Variants in CCDC90B observed in about 807,000 individuals in gnomAD.
The protein encoded by CCDC90B is coiled-coil domain containing 90B, also known as coiled-coil domain-containing protein 90B, mitochondrial.
A neutral mutation model predicts 37.0 loss-of-function variants in CCDC90B; 24 were observed. The ratio of observed to expected loss-of-function variants is 0.65; its 90% confidence interval spans 0.47 to 0.91. The LOEUF (loss-of-function observed/expected upper bound fraction) is 0.91. CCDC90B is among the 40% of genes least tolerant of loss of function. The probability of loss-of-function intolerance (pLI) is 0.00; values close to 1 mark genes in which losing one functional copy is unlikely to be tolerated. For synonymous variants in CCDC90B, 113 were observed against 101.1 expected, an observed-to-expected ratio of 1.12 and a Z score of -0.71; for missense variants, 319 against 299.0, an observed-to-expected ratio of 1.07 and a Z score of -0.49.
Position 83,280,204 on chromosome 11 carries a change from G to C in CCDC90B, c.157C>G (p.Pro53Ala). Residue 53 changes from proline (P) to alanine (A), a missense_variant, in exon 2 of 9, where the codon CCT becomes GCT. Coordinates refer to ENST00000529689, the MANE Select transcript of CCDC90B (RefSeq NM_021825.5). ...GYDRRPVDIT[P>A]LEQRKLTFDT... ...AAAGTTAATTTCCTTTGTTCTAAAG[G>C]AGTTATATCCACTGGCCGCCTATCA... The C allele has an allele frequency of 6.2e-7, 1 of 1,613,254 alleles. No homozygotes were observed. The highest frequency in any genetic ancestry group is 8.5e-7 in the Non-Finnish European group (1 of 1,179,630).
At chr11:83,275,459 T>C (rs943132222) in intron 3 of CCDC90B, among the ~76,000 whole-genome samples, 1 of 151,836 alleles carries the variant, frequency 6.6e-6, no homozygotes, top group African/African-American at 2.4e-5. Flanking sequence ...GAAATGTGCA[T>C]TGGAGTATTT....
At chr11:83,280,042 T>C in intron 2 of CCDC90B, 99 bp downstream of exon 2, 1 of 1,172,998 alleles carries the variant, frequency 8.5e-7, no homozygotes, top group Non-Finnish European at 1.2e-6. Flanking sequence ...GGTACATCTA[T>C]TTAGTTACTT....
chr11:83,265,335 A>G (rs910799468), intron 8 of CCDC90B, among the ~76,000 whole-genome samples: 1 of 152,108 alleles, frequency 6.6e-6, no homozygotes, highest in African/African-American at 2.4e-5. Flanking sequence ...TAATGGGCTT[A>G]TATCTAATTT....
At chr11:83,269,309 C>A (rs151038911) in intron 7 of CCDC90B, among the ~76,000 whole-genome samples, 6 of 151,284 alleles carry the variant, frequency 4.0e-5, no homozygotes, top group Admixed American at 3.9e-4. Context: ...ACACAACAAA[C>A]CCTTAAAAAA....
intron 7 of CCDC90B, among the ~76,000 whole-genome samples, chr11:83,271,161 CA>C (rs1230533521): frequency 6.6e-6 from 1 of 152,100 alleles, no homozygotes; most frequent in Non-Finnish European, 1.5e-5. Context: ...GACCTAAAAC[CA>C]TAAAAACCCT....
intron 1 of CCDC90B, 65 bp downstream of exon 1, chr11:83,285,808 C>G: frequency 6.5e-7 from 1 of 1,537,218 alleles, no homozygotes; most frequent in Non-Finnish European, 8.7e-7. Flanking sequence ...CGAGCAGGCG[C>G]GACCCCACGG....
intron 1 of CCDC90B, among the ~76,000 whole-genome samples, chr11:83,282,086 T>C (rs1865415605): frequency 6.6e-6 from 1 of 152,174 alleles, no homozygotes; most frequent in Non-Finnish European, 1.5e-5. Context: ...AAGCCTACTT[T>C]ATAATAAAGT....
In CCDC90B at chr11:83,259,653, G is replaced by A. The variant is rs1863844006; in HGVS notation, c.*2258C>T. The A allele has an allele frequency of 6.6e-6, 1 of 152,118 alleles. No homozygotes were observed. Among genetic ancestry groups the A allele is most frequent in the Non-Finnish European group, 1.5e-5 (1 of 68,034 alleles). 9.4% of individuals were successfully genotyped at this position (152,118 alleles called of 1,614,324 possible). A position where few individuals can be genotyped will look rare whatever the true frequency, so the allele number is the denominator to read the frequency against. On this transcript the variant is annotated 3_prime_UTR_variant, in exon 9 of 9. Transcript: ENST00000529689. ...ACCTTTATTTGCTGATAAAACTATT[G>A]GAGAAGTTTTTTTTTAGGAGACAGG...
At chr11:83,268,975 C>T (rs1353709506) in intron 7 of CCDC90B, among the ~76,000 whole-genome samples, 1 of 152,234 alleles carries the variant, frequency 6.6e-6, no homozygotes, top group Non-Finnish European at 1.5e-5. Flanking sequence ...CAAAACTGCA[C>T]AACTACATGG....
chr11:83,263,663 CCTTT>C (rs1864066136), intron 8 of CCDC90B, among the ~76,000 whole-genome samples: 1 of 152,126 alleles, frequency 6.6e-6, no homozygotes, highest in Non-Finnish European at 1.5e-5. Context: ...CATTCAGACT[CCTTT>C]CTGAGGATTT....
chr11:83,263,402 C>G (rs548663057), intron 8 of CCDC90B, among the ~76,000 whole-genome samples: 1 of 152,264 alleles, frequency 6.6e-6, no homozygotes, highest in East Asian at 1.9e-4. Context: ...ACAATTGGAG[C>G]CATCTCCAAT....
chr11:83,265,099 T>TA (rs1175030195), intron 8 of CCDC90B, among the ~76,000 whole-genome samples: 3 of 151,894 alleles, frequency 2.0e-5, no homozygotes, highest in East Asian at 1.9e-4. Flanking sequence ...CTAAAACTTA[T>TA]AAAAAAAATT....
Position 83,274,168 on chromosome 11 carries a change from T to A in CCDC90B, c.427-176A>T, listed in dbSNP as rs1864878205. 3 of 419,906 alleles carry A rather than the reference T, an allele frequency of 7.1e-6. No individual in the cohort carries two copies. In the East Asian group the frequency reaches 1.1e-4, roughly 15 times the overall value. 26.0% of individuals were successfully genotyped at this position (419,906 alleles called of 1,614,324 possible). On this transcript the variant is annotated intron_variant, in intron 4 of 8. Coordinates refer to ENST00000529689, the MANE Select transcript of CCDC90B (RefSeq NM_021825.5). The stretch of plus-strand genomic sequence containing the variant: ...TAAGCCACTGTATTCAGAAAATAAT[T>A]CTTATGAGCAAAATGCATTTGTTTT...
chr11:83,274,058 T>A (rs1308787534), intron 4 of CCDC90B, 66 bp from the exon 5 acceptor site: 12 of 1,308,512 alleles, frequency 9.2e-6, no homozygotes, highest in Non-Finnish European at 1.2e-5. Flanking sequence ...TAAAAAAATC[T>A]GAAACCCTAG....
At chr11:83,263,880 G>A (rs1461018951) in intron 8 of CCDC90B, among the ~76,000 whole-genome samples, 3 of 152,190 alleles carry the variant, frequency 2.0e-5, no homozygotes, top group Non-Finnish European at 4.4e-5. Flanking sequence ...CCACGGTTCA[G>A]CTGATGGCTG....
chr11:83,270,119 A>C lies in CCDC90B; in HGVS notation c.594+3528T>G, dbSNP rs531415285. On this transcript the variant is annotated intron_variant, in intron 7 of 8. Coordinates refer to ENST00000529689, the MANE Select transcript of CCDC90B (RefSeq NM_021825.5). ...AAATTCAACAGCCCTTCATGCTAAA[A>C]ACTCCCAATAAACTAGGTATTGATG... Among the ~76,000 whole-genome samples the C allele has an allele frequency of 3.9e-5, 6 of 152,338 alleles. No individual in the cohort carries two copies. The South Asian group carries it at 1.2e-3, about 32-fold the overall frequency.
intron 8 of CCDC90B, among the ~76,000 whole-genome samples, chr11:83,265,190 C>A (rs2135590374): frequency 1.3e-5 from 2 of 152,164 alleles, no homozygotes; most frequent in Non-Finnish European, 2.9e-5. Context: ...TCCTAAATCA[C>A]TGGGGCCCTG....
rs1453656408 is a variant in CCDC90B, at chr11:83,286,325, G to A, written c.-353C>T. On this transcript the variant is annotated 5_prime_UTR_variant, in exon 1 of 9. Transcript: ENST00000529689. ...ACAGCTGGCTCCCCCAAGATAGCCAGCGGCCATTACGCGCTTGGGTCGGGG... is the reference window on the plus strand; with the variant it reads ...ACAGCTGGCTCCCCCAAGATAGCCAACGGCCATTACGCGCTTGGGTCGGGG... 3.6e-5 allele frequency: 30 copies of A among 833,890 alleles called. No individual in the cohort carries two copies. The highest frequency in any genetic ancestry group is 5.1e-5 in the Non-Finnish European group (28 of 546,994). The allele number at this position is 833,890 out of a possible 1,614,324, so 51.7% of individuals were successfully genotyped here.
intron 3 of CCDC90B, among the ~76,000 whole-genome samples, chr11:83,277,586 G>T (rs1239614537): frequency 2.6e-5 from 4 of 151,876 alleles, no homozygotes; most frequent in African/African-American, 4.8e-5. Context: ...CAGTTCAAGC[G>T]ATTCTCCTGC....
Sources: gnomAD v4.1 joint callset for allele counts (sites outside exome capture counted in the v4.1 genomes callset) on GRCh38, gnomAD v4.1.1 for gene constraint, MANE v1.5 for transcripts, NCBI Gene and HGNC (gene_info 2026-07-23, HGNC 2026-07-21) for gene names.